The following ESYT2 variants were observed in gnomAD, a reference collection of about 807,000 sequenced individuals.
ESYT2 encodes extended synaptotagmin 2.
Under a neutral mutation model 107.2 loss-of-function variants are expected in ESYT2, and 54 were observed. The observed-to-expected ratio is 0.50, with a 90% confidence interval of 0.40 to 0.63. ESYT2 has a LOEUF of 0.63. ESYT2 is among the 30% of genes least tolerant of loss of function. The pLI, the probability that ESYT2 is intolerant of heterozygous loss-of-function variation, is 0.00. For missense variants in ESYT2, 1,020 were observed against 1,094.5 expected (o/e 0.93, Z 0.96); for synonymous variants, 491 against 434.1 (o/e 1.13, Z -1.63).
chr7:158,826,021 GA>G (rs34601173), intron 1 of ESYT2, among the ~76,000 whole-genome samples: 191 of 120,008 alleles, frequency 1.6e-3, no homozygotes, highest in Middle Eastern at 8.2e-3. Flanking sequence ...CTCATCTCTA[GA>G]AAAAAAAAAA....
chr7:158,763,948 C>T (rs972835344), intron 9 of ESYT2, among the ~76,000 whole-genome samples: 2 of 152,124 alleles, frequency 1.3e-5, no homozygotes, highest in Non-Finnish European at 2.9e-5. Flanking sequence ...GGAGAGGAGT[C>T]GTACGGTGAA....
At chr7:158,814,567 C>T (rs1840099771) in intron 1 of ESYT2, among the ~76,000 whole-genome samples, 1 of 152,164 alleles carries the variant, frequency 6.6e-6, no homozygotes, top group African/African-American at 2.4e-5. Flanking sequence ...CACAGTCTGG[C>T]TGTCACCTCC....
chr7:158,749,269 G>T (rs1035795826), intron 15 of ESYT2, among the ~76,000 whole-genome samples: 2 of 151,734 alleles, frequency 1.3e-5, no homozygotes, highest in Non-Finnish European at 2.9e-5. Context: ...ACCGCACCCG[G>T]CACCATGCCC....
chr7:158,829,052 T>C (rs1464623854), intron 1 of ESYT2, 37 bp downstream of exon 1: 1 of 1,552,366 alleles, frequency 6.4e-7, no homozygotes. Flanking sequence ...TCGGGACTGG[T>C]GGTCAGGGGT....
chr7:158,786,207 A>G (rs1695199357), intron 6 of ESYT2, among the ~76,000 whole-genome samples: 1 of 152,238 alleles, frequency 6.6e-6, no homozygotes, highest in Non-Finnish European at 1.5e-5. Context: ...ACTAAGTAAC[A>G]GCACTATTAA....
intron 1 of ESYT2, among the ~76,000 whole-genome samples, chr7:158,828,220 G>C (rs1394724522): frequency 6.6e-6 from 1 of 152,238 alleles, no homozygotes; most frequent in African/African-American, 2.4e-5. Context: ...AGACACGAGT[G>C]CGTCTTCTCC....
intron 1 of ESYT2, among the ~76,000 whole-genome samples, chr7:158,826,902 C>T (rs528172135): frequency 2.6e-5 from 4 of 151,604 alleles, no homozygotes; most frequent in South Asian, 2.1e-4. Context: ...CGGTGGCTCA[C>T]GCCTGTAATC....
Position 158,739,115 on chromosome 7 carries a change from C to T in ESYT2, c.2175G>A (p.Thr725=), listed in dbSNP as rs376410950. The change falls in exon 19 of 23, where the codon ACG becomes ACA. Residue 725 remains threonine, a synonymous_variant. Coordinates refer to ENST00000275418, the MANE Select transcript of ESYT2 (RefSeq NM_001367773.1). ...RQRLRQLENG[T]TLGQSPLGQI... ...GCCCCAGTGGAGACTGTCCCAGGGT[C>T]GTCCCGCTGTGGGAAAAGAGCAGAA... 1.4e-4 allele frequency: 230 copies of T among 1,613,680 alleles called. No homozygotes were observed. The highest frequency in any genetic ancestry group is 1.8e-4 in the Non-Finnish European group (218 of 1,179,906).
chr7:158,745,941 G>T (rs1325961555), intron 16 of ESYT2, among the ~76,000 whole-genome samples: 1 of 152,102 alleles, frequency 6.6e-6, no homozygotes, highest in African/African-American at 2.4e-5. Flanking sequence ...GAGAAGCAAA[G>T]ACCCAAAGTA....
intron 18 of ESYT2, among the ~76,000 whole-genome samples, chr7:158,740,831 A>G (rs59080622): frequency 0.24 from 36,454 of 152,092 alleles, 5,301 homozygotes; most frequent in East Asian, 0.6. Flanking sequence ...TTTTTCTAAC[A>G]GCTCAGAAGC....
At chr7:158,803,876 C>CCGT (rs1839722484) in intron 1 of ESYT2, among the ~76,000 whole-genome samples, 1 of 81,772 alleles carries the variant, frequency 1.2e-5, no homozygotes, top group Admixed American at 1.2e-4. Context: ...CAAACCCAAA[C>CCGT]CACGGAGAAG....
intron 1 of ESYT2, among the ~76,000 whole-genome samples, chr7:158,813,282 G>A (rs1193480230): frequency 2.0e-5 from 3 of 152,204 alleles, no homozygotes; most frequent in African/African-American, 7.2e-5. Context: ...TTGAATTGAA[G>A]CACAGAAGAT....
chr7:158,739,196 C>G (rs1445109541), intron 18 of ESYT2, 75 bp from the exon 19 acceptor site: 4 of 1,243,122 alleles, frequency 3.2e-6, no homozygotes, highest in Non-Finnish European at 3.4e-6. Context: ...CCACTGTACA[C>G]GATAAAATAA....
chr7:158,746,393 C>T (rs1837403975), intron 16 of ESYT2, among the ~76,000 whole-genome samples: 1 of 151,830 alleles, frequency 6.6e-6, no homozygotes, highest in African/African-American at 2.4e-5. Context: ...ACCTCTAGTC[C>T]CAGCCACTTG....
chr7:158,828,942 G>T, intron 1 of ESYT2, 147 bp downstream of exon 1: 2 of 1,349,588 alleles, frequency 1.5e-6, no homozygotes, highest in Non-Finnish European at 1.9e-6. Flanking sequence ...ACCGGGGTGG[G>T]TGGGGGACTA....
rs1439943808 is a variant in ESYT2 at position 158,732,613 on chromosome 7, C to A, written c.*1594G>T. 3 of 152,436 alleles carry A rather than the reference C, an allele frequency of 2.0e-5. No individual in the cohort carries two copies. The highest frequency in any genetic ancestry group is 1.3e-4 in the Admixed American group (2 of 15,274). The allele number at this position is 152,436 out of a possible 1,614,324, so 9.4% of individuals were successfully genotyped here. A position where few individuals can be genotyped will look rare whatever the true frequency, so the allele number is the denominator to read the frequency against. ...GCTAGAAGGGAGGGTGGGTAGACAG[C>A]CACCAGCCTTGTTTATAAATTCAAA... On this transcript the variant is annotated 3_prime_UTR_variant, in exon 23 of 23. Transcript: ENST00000275418.
chr7:158,816,034 A>G (rs1840141826), intron 1 of ESYT2, among the ~76,000 whole-genome samples: 1 of 152,200 alleles, frequency 6.6e-6, no homozygotes, highest in Non-Finnish European at 1.5e-5. Context: ...GTCGCTTTAT[A>G]TGGCAAAAAG....
Position 158,734,205 on chromosome 7 carries a change from G to C in ESYT2, c.*2C>G. ...GAAGAGGACGCCTCCTGCCTGCTGC[G>C]GCTATGTCATCGCCTGAGGCCTCGT... On this transcript the variant is annotated 3_prime_UTR_variant, in exon 23 of 23. Transcript: ENST00000275418. 2 of 1,614,080 alleles carry C rather than the reference G, an allele frequency of 1.2e-6. No homozygotes were observed. Among genetic ancestry groups the C allele is most frequent in the South Asian group, 1.1e-5 (1 of 91,068 alleles).
intron 1 of ESYT2, among the ~76,000 whole-genome samples, chr7:158,799,978 G>A (rs1460868978): frequency 6.6e-6 from 1 of 152,028 alleles, no homozygotes; most frequent in Non-Finnish European, 1.5e-5. Context: ...TTATAAGCAT[G>A]TATAACTTAC....
Sources: allele counts gnomAD v4.1 joint callset (sites outside exome capture counted in the v4.1 genomes callset), GRCh38; gene constraint gnomAD v4.1.1; transcripts MANE v1.5; gene names NCBI Gene and HGNC (gene_info 2026-07-23, HGNC 2026-07-21).